The following PRKCD variants were observed in gnomAD, a reference collection of about 807,000 sequenced individuals.
PRKCD encodes protein kinase C delta.
Under a neutral mutation model 82.2 loss-of-function variants are expected in PRKCD, and 20 were observed. That is an observed-to-expected ratio of 0.24 (90% CI 0.17 to 0.35). The LOEUF (loss-of-function observed/expected upper bound fraction) is 0.35, where lower values mean the gene tolerates loss of function less well. Among genes scored for constraint, PRKCD ranks in the 10% least tolerant of loss-of-function variants. The pLI, the probability that PRKCD is intolerant of heterozygous loss-of-function variation, is 1.00. For synonymous variants in PRKCD, 317 were observed against 337.0 expected, an observed-to-expected ratio of 0.94 and a Z score of 0.65; for missense variants, 607 against 899.0, an observed-to-expected ratio of 0.68 and a Z score of 4.15.
At chr3:53,177,814 T>C (rs767051379) in intron 2 of PRKCD, among the ~76,000 whole-genome samples, 9 of 152,114 alleles carry the variant, frequency 5.9e-5, no homozygotes, top group Non-Finnish European at 1.2e-4. Flanking sequence ...CTGGGGTAGA[T>C]TGATGGAGGG....
chr3:53,186,540 T>C, intron 13 of PRKCD, 64 bp from the exon 14 acceptor site: 2 of 1,472,066 alleles, frequency 1.4e-6, no homozygotes, highest in Admixed American at 3.6e-5. Flanking sequence ...TTGGCCCCAG[T>C]GGCCCTCAGT....
chr3:53,181,068 TG>T, intron 4 of PRKCD, 138 bp from the exon 5 acceptor site: 1 of 860,672 alleles, frequency 1.2e-6, no homozygotes, highest in Non-Finnish European at 1.8e-6. Flanking sequence ...CTGCCCACAC[TG>T]GGCAGACAAG....
intron 18 of PRKCD, among the ~76,000 whole-genome samples, chr3:53,190,719 C>G (rs1553670635): frequency 6.6e-6 from 1 of 152,220 alleles, no homozygotes; most frequent in Non-Finnish European, 1.5e-5. Context: ...TCCCACTCCC[C>G]TTCTGTCCTT....
In PRKCD at chr3:53,179,552, C is replaced by G. The variant is rs1553666740; in HGVS notation, c.116-25C>G. 3 of 1,613,966 alleles carry G rather than the reference C, an allele frequency of 1.9e-6. No individual in the cohort carries two copies. The South Asian group carries it at 3.3e-5, about 18-fold the overall frequency. ...GAGGGACAGAGGGGCCATGGCCCAA[C>G]CTTCTCTGCCTGGCCTTGTTGCAGA... is the stretch of plus-strand genomic sequence containing the variant. On this transcript the variant is annotated intron_variant, in intron 3 of 18. Transcript: ENST00000330452.
chr3:53,186,389 C>T (rs782054856), intron 13 of PRKCD, 49 bp downstream of exon 13: 1 of 1,605,102 alleles, frequency 6.2e-7, no homozygotes. Context: ...CCATGTCCCA[C>T]AGCTCCTCAG....
In PRKCD at chr3:53,186,590, C is replaced by A. The variant is rs782108562; in HGVS notation, c.1261-14C>A. ...CCTATTCCTCACCCCTGCTCACCAC[C>A]CTTCCCACCCCAGGACCACCTGTTC... is the stretch of plus-strand genomic sequence containing the variant. On this transcript the variant is annotated splice_polypyrimidine_tract_variant and intron_variant, in intron 13 of 18. Transcript: ENST00000330452. 2.2e-5 allele frequency: 35 copies of A among 1,605,244 alleles called. No individual in the cohort carries two copies. Among genetic ancestry groups the A allele is most frequent in the Non-Finnish European group, 2.3e-5 (27 of 1,174,396 alleles).
At chr3:53,189,356 G>A in intron 17 of PRKCD, 110 bp downstream of exon 17, 1 of 1,171,740 alleles carries the variant, frequency 8.5e-7, no homozygotes, top group Admixed American at 2.7e-5. Flanking sequence ...CAGCCTCAGT[G>A]GTGCTGCAGT....
chr3:53,170,130 G>A (rs1553664577), intron 2 of PRKCD, among the ~76,000 whole-genome samples: 1 of 111,168 alleles, frequency 9.0e-6, no homozygotes, highest in East Asian at 3.9e-4. Flanking sequence ...TAAACCATCT[G>A]GAAAATCGTG....
chr3:53,170,396 G>A (rs1252016617), intron 2 of PRKCD, among the ~76,000 whole-genome samples: 5 of 152,340 alleles, frequency 3.3e-5, no homozygotes, highest in African/African-American at 9.6e-5. Flanking sequence ...TTGCTCCTGG[G>A]GTGCCCGGCT....
intron 2 of PRKCD, among the ~76,000 whole-genome samples, chr3:53,167,512 C>A (rs782048531): frequency 6.6e-6 from 1 of 152,212 alleles, no homozygotes; most frequent in East Asian, 1.9e-4. Flanking sequence ...TATGAATGAA[C>A]CTGGGCAAGT....
chr3:53,178,443 C>T lies in PRKCD; in HGVS notation c.21C>T (p.Ile7=), dbSNP rs373946656. 6.8e-6 allele frequency: 11 copies of T among 1,612,254 alleles called. No individual in the cohort carries two copies. The highest frequency in any genetic ancestry group is 1.3e-5 in the African/African-American group (1 of 74,902). Residue 7 remains isoleucine, a synonymous_variant, in exon 3 of 19, where the codon ATC becomes ATT. Transcript: ENST00000330452. MAPFLR[I]AFNSYELGSL... ...CCACCATGGCGCCGTTCCTGCGCAT[C>T]GCCTTCAACTCCTATGAGCTGGGCT...
intron 4 of PRKCD, among the ~76,000 whole-genome samples, chr3:53,180,497 G>C (rs1366956214): frequency 6.6e-6 from 1 of 152,350 alleles, no homozygotes; most frequent in Middle Eastern, 3.4e-3. Flanking sequence ...GTCCCCTGGG[G>C]TTACATGTGG....
intron 2 of PRKCD, among the ~76,000 whole-genome samples, chr3:53,176,885 A>G (rs569297080): frequency 7.3e-5 from 11 of 151,512 alleles, no homozygotes; most frequent in South Asian, 2.1e-4. Context: ...CTGGAGTGCA[A>G]TGGCGCAGTC....
intron 2 of PRKCD, among the ~76,000 whole-genome samples, chr3:53,168,463 C>T (rs139247142): frequency 1.3e-5 from 2 of 152,118 alleles, no homozygotes; most frequent in Non-Finnish European, 2.9e-5. Flanking sequence ...TGGGCCTGGG[C>T]GGGAAGTGTG....
intron 16 of PRKCD, 90 bp from the exon 17 acceptor site, chr3:53,188,967 CT>C: frequency 6.4e-7 from 1 of 1,573,976 alleles, no homozygotes; most frequent in Non-Finnish European, 8.6e-7. Context: ...AGCCCATAGG[CT>C]GAGGCGGCCT....
At chr3:53,172,413 T>C (rs531543465) in intron 2 of PRKCD, among the ~76,000 whole-genome samples, 1 of 152,256 alleles carries the variant, frequency 6.6e-6, no homozygotes, top group East Asian at 1.9e-4. Context: ...TCCTGCACCC[T>C]CCTGCTGATC....
Position 53,181,524 on chromosome 3 carries a change from A to G in PRKCD, c.457A>G (p.Ile153Val). Reference protein sequence around the residue: ...NRRGAIKQAKIHYIKNHEFIA... With the variant: ...NRRGAIKQAKVHYIKNHEFIA... ...CCGCGGAGCCATCAAACAGGCCAAA[A>G]TCCACTACATCAAGAACCATGAGTT... The change falls in exon 6 of 19, where the codon ATC becomes GTC. Residue 153 changes from isoleucine to valine, a missense_variant. Physicochemically the swap from Ile to Val is conservative, Grantham distance 29. Around this residue, in one of 5 missense-constraint regions of PRKCD, gnomAD observed 161 missense variants for 227.0 expected, o/e 0.71. Transcript: ENST00000330452. 1 of 1,614,190 alleles carries G rather than the reference A, an allele frequency of 6.2e-7. No homozygotes were observed. The highest frequency in any genetic ancestry group is 8.5e-7 in the Non-Finnish European group (1 of 1,180,018).
intron 10 of PRKCD, 119 bp from the exon 11 acceptor site, chr3:53,185,485 T>C: frequency 3.7e-6 from 3 of 811,316 alleles, no homozygotes; most frequent in Non-Finnish European, 4.1e-6. Flanking sequence ...GCCTGGGCTG[T>C]GCCCCTGTTG....
At position 53,181,815 on chromosome 3, in the gene PRKCD, G is replaced by T. The variant is rs782738720; in HGVS notation, c.571+83G>T. ...AGTGCCTGTGTGTATGCCAGTGCCTGTGTGCGCTCAGAGAGTGTATGCACG... is the reference window on the plus strand; with the variant it reads ...AGTGCCTGTGTGTATGCCAGTGCCTTTGTGCGCTCAGAGAGTGTATGCACG... On this transcript the variant is annotated intron_variant, in intron 7 of 18. Coordinates refer to ENST00000330452, the MANE Select transcript of PRKCD (RefSeq NM_006254.4). The T allele has an allele frequency of 8.2e-6, 13 of 1,591,390 alleles. No individual in the cohort carries two copies. The East Asian group carries it at 2.9e-4, about 36-fold the overall frequency.
Sources: gnomAD v4.1 joint callset for allele counts (sites outside exome capture counted in the v4.1 genomes callset) on GRCh38, gnomAD v4.1.1 for gene constraint, gnomAD v4.1.1 regional missense constraint, MANE v1.5 for transcripts, NCBI Gene and HGNC (gene_info 2026-07-23, HGNC 2026-07-21) for gene names.